The following RPGRIP1L variants were observed in gnomAD, a reference collection of about 807,000 sequenced individuals.
RPGRIP1L encodes the protein RPGRIP1 like, also known as protein fantom.
Under a neutral mutation model 160.4 loss-of-function variants are expected in RPGRIP1L, and 131 were observed. The ratio of observed to expected loss-of-function variants is 0.82; its 90% CI spans 0.71 to 0.94. RPGRIP1L has a LOEUF of 0.94. RPGRIP1L is among the 40% of genes least tolerant of loss of function. The pLI is 0.00. For missense variants in RPGRIP1L, 1,522 were observed against 1,535.8 expected (o/e 0.99, Z 0.15); for synonymous variants, 510 against 515.8 (o/e 0.99, Z 0.15).
chr16:53,622,379 A>G (rs1484285041), intron 22 of RPGRIP1L, 23 bp from the exon 23 acceptor site: 3 of 605,996 alleles, frequency 5.0e-6, no homozygotes, highest in South Asian at 4.0e-5. Context: ...AAAAAAAAAA[A>G]TCTTAAGATT....
chr16:53,701,180 G>C (rs1971364507), intron 1 of RPGRIP1L, among the ~76,000 whole-genome samples: 1 of 152,108 alleles, frequency 6.6e-6, no homozygotes, highest in South Asian at 2.1e-4. Context: ...GTTATTCTAA[G>C]GGTAAATGGG....
intron 9 of RPGRIP1L, among the ~76,000 whole-genome samples, chr16:53,669,905 A>T (rs1968569924): frequency 6.6e-6 from 1 of 152,154 alleles, no homozygotes. Context: ...TTAGTTCTAA[A>T]CTAGAGTCTC....
intron 4 of RPGRIP1L, 123 bp downstream of exon 4, chr16:53,691,943 T>C: frequency 1.1e-6 from 1 of 895,734 alleles, no homozygotes; most frequent in Non-Finnish European, 1.8e-6. Context: ...AAGTAAAAAA[T>C]TATTTTTCTC....
chr16:53,679,734 G>A (rs1288929386), intron 6 of RPGRIP1L, among the ~76,000 whole-genome samples: 2 of 152,208 alleles, frequency 1.3e-5, no homozygotes, highest in Non-Finnish European at 2.9e-5. Flanking sequence ...AGCAGAAGGA[G>A]GGATTGGCAT....
At chr16:53,612,064 C>T (rs17214955) in intron 24 of RPGRIP1L, among the ~76,000 whole-genome samples, 25,652 of 152,124 alleles carry the variant, frequency 0.17, 2,255 homozygotes, top group Middle Eastern at 0.23. Context: ...ATGATGCTAT[C>T]AACTCATTTG....
chr16:53,631,588 A>C (rs1254618333), intron 22 of RPGRIP1L, among the ~76,000 whole-genome samples: 1 of 152,182 alleles, frequency 6.6e-6, no homozygotes. Flanking sequence ...TTCAGTTTTG[A>C]TGTCTGTTTT....
chr16:53,689,469 C>A (rs1338034222), intron 4 of RPGRIP1L, among the ~76,000 whole-genome samples: 3 of 152,178 alleles, frequency 2.0e-5, no homozygotes, highest in African/African-American at 7.2e-5. Flanking sequence ...CATTTCAAAA[C>A]CTTTGCTTTA....
At chr16:53,674,684 C>T (rs1311466404) in intron 7 of RPGRIP1L, among the ~76,000 whole-genome samples, 9 of 151,998 alleles carry the variant, frequency 5.9e-5, no homozygotes, top group Non-Finnish European at 1.2e-4. Context: ...TATGGCAAAA[C>T]TTCAGTGCTA....
intron 12 of RPGRIP1L, 21 bp from the exon 13 acceptor site, chr16:53,657,653 T>C (rs1199289234): frequency 4.8e-6 from 7 of 1,446,134 alleles, no homozygotes; most frequent in Non-Finnish European, 4.8e-6. Context: ...AAACATGTTT[T>C]ATGACTGAAA....
chr16:53,698,990 G>A (rs1187954135), intron 2 of RPGRIP1L, among the ~76,000 whole-genome samples: 31 of 152,242 alleles, frequency 2.0e-4, no homozygotes, highest in East Asian at 1.5e-3. Flanking sequence ...GATGGTTGCC[G>A]TGTCTGTGTG....
intron 10 of RPGRIP1L, chr16:53,659,812 T>A (rs1967613978): frequency 6.6e-6 from 1 of 152,122 alleles, no homozygotes; most frequent in African/African-American, 2.4e-5. Flanking sequence ...CCTGGGGAGT[T>A]GAGGCTGCAG....
At chr16:53,609,009 A>T (rs1309987796) in intron 25 of RPGRIP1L, among the ~76,000 whole-genome samples, 1 of 152,246 alleles carries the variant, frequency 6.6e-6, no homozygotes, top group Non-Finnish European at 1.5e-5. Flanking sequence ...ATCTTTCTCA[A>T]AAATGACATG....
intron 2 of RPGRIP1L, among the ~76,000 whole-genome samples, chr16:53,699,599 C>G (rs564771318): frequency 2.0e-4 from 30 of 152,000 alleles, no homozygotes; most frequent in Middle Eastern, 3.4e-3. Context: ...CTTGATACTC[C>G]CTGAAAGATC....
rs569913037 is a variant in RPGRIP1L at position 53,651,964 on chromosome 16, AATTT to A, written c.2152+567_2152+570del. 5.2e-3 allele frequency among the ~76,000 whole-genome samples: 793 copies of A among 152,138 alleles called. 7 individuals are homozygous for A. The highest frequency in any genetic ancestry group is 0.018 in the African/African-American group (741 of 41,516). On this transcript the variant is annotated intron_variant, in intron 15 of 26. Coordinates refer to ENST00000647211, the MANE Select transcript of RPGRIP1L (RefSeq NM_015272.5). ...TAAATTACAGTTCAATACATAAATT[AATTT>A]ATTTATAAATAAATTACATAATTTA...
chr16:53,648,626 G>GCACACACACACA (rs113624342), intron 16 of RPGRIP1L, among the ~76,000 whole-genome samples: 2,179 of 144,030 alleles, frequency 0.015, 29 homozygotes, highest in Middle Eastern at 0.028. Flanking sequence ...GCGCGCGCGC[G>GCACACACACACA]CACACACACA....
intron 4 of RPGRIP1L, among the ~76,000 whole-genome samples, chr16:53,690,101 C>G (rs1341138731): frequency 6.6e-6 from 1 of 152,158 alleles, no homozygotes; most frequent in Admixed American, 6.5e-5. Flanking sequence ...CCTAAAGACA[C>G]TTAAAAGCAT....
intron 3 of RPGRIP1L, among the ~76,000 whole-genome samples, chr16:53,692,800 T>G (rs1399477610): frequency 1.3e-5 from 2 of 152,226 alleles, no homozygotes. Context: ...TATATTGTTT[T>G]CAGTTTCTCC....
chr16:53,698,848 G>A (rs1167855695), intron 2 of RPGRIP1L, among the ~76,000 whole-genome samples: 5 of 146,380 alleles, frequency 3.4e-5, no homozygotes, highest in Non-Finnish European at 6.0e-5. Context: ...ACTGGGAAGT[G>A]AGGACCCCTC....
At chr16:53,684,606 G>T (rs187449997) in intron 6 of RPGRIP1L, among the ~76,000 whole-genome samples, 148 of 152,070 alleles carry the variant, frequency 9.7e-4, no homozygotes, top group African/African-American at 3.3e-3. Context: ...GTGGGGGTTG[G>T]GGGGAGGGAT....
Sources: allele counts gnomAD v4.1 joint callset (sites outside exome capture counted in the v4.1 genomes callset), GRCh38; gene constraint gnomAD v4.1.1; transcripts MANE v1.5; gene names NCBI Gene and HGNC (gene_info 2026-07-23, HGNC 2026-07-21).